The following SNAPC3 variants were observed in gnomAD, a reference collection of about 807,000 sequenced individuals.
The protein encoded by SNAPC3 is snRNA-activating protein complex subunit 3.
Under a neutral mutation model 47.7 loss-of-function variants are expected in SNAPC3, and 56 were observed. The ratio of observed to expected loss-of-function variants is 1.18; its 90% CI spans 0.95 to 1.47. The LOEUF (loss-of-function observed/expected upper bound fraction) is 1.47, where lower values mean the gene tolerates loss of function less well. Among genes scored for constraint, SNAPC3 ranks in the 40% most tolerant of loss-of-function variants. The pLI, the probability that SNAPC3 is intolerant of heterozygous loss-of-function variation, is 0.00. For synonymous variants in SNAPC3, 235 were observed against 189.9 expected (o/e 1.24, Z -1.95); for missense variants, 665 against 511.3 (o/e 1.30, Z -2.90).
intron 7 of SNAPC3, among the ~76,000 whole-genome samples, chr9:15,457,014 T>C (rs1182014768): frequency 6.6e-6 from 1 of 152,234 alleles, no homozygotes; most frequent in Non-Finnish European, 1.5e-5. Context: ...TTCAGAAGAA[T>C]CTGAAGTCTG....
intron 5 of SNAPC3, among the ~76,000 whole-genome samples, chr9:15,450,059 T>C (rs957255452): frequency 6.6e-6 from 1 of 152,174 alleles, no homozygotes; most frequent in African/African-American, 2.4e-5. Flanking sequence ...TTTTAGAACC[T>C]TTATTTTGGA....
Position 15,460,394 on chromosome 9 carries a change from ATTAT to A in SNAPC3, c.*535_*538del, listed in dbSNP as rs1224610556. ...ATAAGACAAAATTAATAGCTTTGGG[ATTAT>A]TTATTTTTTGAGACAAAATCTCGCT... On this transcript the variant is annotated 3_prime_UTR_variant, in exon 9 of 9. Transcript: ENST00000380821. 2 of 152,256 alleles carry A rather than the reference ATTAT, an allele frequency of 1.3e-5. No individual in the cohort carries two copies. Among genetic ancestry groups the A allele is most frequent in the East Asian group, 1.9e-4 (1 of 5,180 alleles). The allele number at this position is 152,256 out of a possible 1,614,324, so 9.4% of individuals were successfully genotyped here. A position where few individuals can be genotyped will look rare whatever the true frequency, so the allele number is the denominator to read the frequency against.
intron 3 of SNAPC3, among the ~76,000 whole-genome samples, chr9:15,436,347 G>A (rs1563843212): frequency 6.6e-6 from 1 of 152,150 alleles, no homozygotes; most frequent in Admixed American, 6.6e-5. Flanking sequence ...TCCACTTTGA[G>A]TTGATTTTTA....
intron 3 of SNAPC3, among the ~76,000 whole-genome samples, chr9:15,435,009 A>T (rs1270247438): frequency 6.6e-6 from 1 of 152,178 alleles, no homozygotes; most frequent in Non-Finnish European, 1.5e-5. Flanking sequence ...CATAGCAATG[A>T]TACCGTATTA....
At chr9:15,454,747 C>A (rs1030349618) in intron 7 of SNAPC3, among the ~76,000 whole-genome samples, 9 of 152,056 alleles carry the variant, frequency 5.9e-5, no homozygotes, top group Admixed American at 5.9e-4. Context: ...ACCATGCTGG[C>A]TAACACAGTG....
chr9:15,435,393 C>T (rs1018943245), intron 3 of SNAPC3, among the ~76,000 whole-genome samples: 10 of 151,968 alleles, frequency 6.6e-5, no homozygotes, highest in South Asian at 2.1e-4. Context: ...ACCAACATGG[C>T]GAAACCCTGT....
At chr9:15,429,862 A>G (rs2031912314) in intron 2 of SNAPC3, among the ~76,000 whole-genome samples, 1 of 152,198 alleles carries the variant, frequency 6.6e-6, no homozygotes, top group African/African-American at 2.4e-5. Context: ...ATCTAAAATA[A>G]AATGATTCCG....
rs1226863032 is a variant in SNAPC3 at position 15,422,949 on chromosome 9, A to G, written c.70A>G (p.Ser24Gly). 3.9e-6 allele frequency: 6 copies of G among 1,534,362 alleles called. No homozygotes were observed. Among genetic ancestry groups the G allele is most frequent in the Non-Finnish European group, 5.2e-6 (6 of 1,145,112 alleles). ...TGGCAGGCAGGACCCAGTCTCCGGC[A>G]GTGGCGGCTGCAACTTTCCAGAGTA... ...VGGRQDPVSG[S>G]GGCNFPEYEL... The change falls in exon 1 of 9, where the codon AGT becomes GGT. Residue 24 changes from serine (S) to glycine (G), a missense_variant. Coordinates refer to ENST00000380821, the MANE Select transcript of SNAPC3 (RefSeq NM_001039697.2).
chr9:15,441,330 T>C (rs1250651201), intron 3 of SNAPC3, among the ~76,000 whole-genome samples: 1 of 151,164 alleles, frequency 6.6e-6, no homozygotes, highest in African/African-American at 2.4e-5. Context: ...TTGTTTTCCG[T>C]AATAGCTGTA....
rs2034518988 is a variant in SNAPC3, at chr9:15,453,137, A to T, written c.912A>T (p.Lys304Asn). 1.9e-6 allele frequency: 3 copies of T among 1,613,250 alleles called. No homozygotes were observed. The highest frequency in any genetic ancestry group is 2.2e-5 in the South Asian group (2 of 91,054). The stretch of plus-strand genomic sequence containing the variant: ...TCACCTTCAATGACTTGTGTATTAA[A>T]CTGGGTTTTCCTTACTTATACTGTC... ...EDFTFNDLCI[K>N]LGFPYLYCHQ... is the part of the protein sequence containing the mutation. The change falls in exon 7 of 9, where the codon AAA becomes AAT. Residue 304 changes from lysine to asparagine, a missense_variant. Transcript: ENST00000380821.
At chr9:15,454,760 A>ATC (rs1266122522) in intron 7 of SNAPC3, among the ~76,000 whole-genome samples, 2 of 152,086 alleles carry the variant, frequency 1.3e-5, no homozygotes, top group Non-Finnish European at 2.9e-5. Context: ...ACACAGTGAA[A>ATC]GCGTCTCTAC....
At chr9:15,450,143 C>T (rs1023779312) in intron 5 of SNAPC3, among the ~76,000 whole-genome samples, 2 of 152,040 alleles carry the variant, frequency 1.3e-5, no homozygotes, top group Non-Finnish European at 2.9e-5. Flanking sequence ...AGTCATATGA[C>T]ATTAAGTACA....
At chr9:15,432,463 C>T (rs555455206) in intron 2 of SNAPC3, among the ~76,000 whole-genome samples, 4 of 151,590 alleles carry the variant, frequency 2.6e-5, no homozygotes, top group Admixed American at 1.3e-4. Context: ...ATTCCGGGGA[C>T]GAGACAAGAA....
At chr9:15,437,702 G>C (rs1265654458) in intron 3 of SNAPC3, among the ~76,000 whole-genome samples, 1 of 143,624 alleles carries the variant, frequency 7.0e-6, no homozygotes, top group Middle Eastern at 3.8e-3. Context: ...AATTACCCTT[G>C]CATTTTGAGG....
rs200368715 is a variant in SNAPC3, at chr9:15,458,107, C to T, written c.1088+40C>T. On this transcript the variant is annotated intron_variant, in intron 8 of 8. Transcript: ENST00000380821. Reference sequence around the variant, plus strand: ...ATTTTTTTTTTTCTCTGAGAAATGGCAGTTTTGACTTTTGGTATTTTGTTT... The same window carrying T: ...ATTTTTTTTTTTCTCTGAGAAATGGTAGTTTTGACTTTTGGTATTTTGTTT... 3.5e-5 allele frequency: 37 copies of T among 1,053,868 alleles called. 1 individual carries two copies. The highest frequency in any genetic ancestry group is 4.2e-4 in the Middle Eastern group (2 of 4,782). 65.3% of individuals were successfully genotyped at this position (1,053,868 alleles called of 1,614,324 possible).
chr9:15,456,289 C>G (rs1178745639), intron 7 of SNAPC3, among the ~76,000 whole-genome samples: 4 of 152,166 alleles, frequency 2.6e-5, no homozygotes, highest in Admixed American at 2.6e-4. Flanking sequence ...GGATTACAGG[C>G]AAGAGCCACT....
chr9:15,465,948 TACAC>T (rs1223930022), downstream of SNAPC3: 1 of 182,230 alleles, frequency 5.5e-6, no homozygotes, highest in African/African-American at 2.4e-5. Context: ...GAGAGGTTGA[TACAC>T]ACATAGACAA....
At chr9:15,430,598 C>G (rs933172194) in intron 2 of SNAPC3, among the ~76,000 whole-genome samples, 1 of 152,258 alleles carries the variant, frequency 6.6e-6, no homozygotes, top group East Asian at 1.9e-4. Flanking sequence ...ACCAAAGGTA[C>G]CCCTCCAACA....
At chr9:15,423,293 T>A in intron 1 of SNAPC3, 100 bp downstream of exon 1, 7 of 1,226,446 alleles carry the variant, frequency 5.7e-6, no homozygotes, top group Non-Finnish European at 7.7e-6. Context: ...GGGCCTGTGG[T>A]TTAGACCTGG....
Sources: allele counts gnomAD v4.1 joint callset (sites outside exome capture counted in the v4.1 genomes callset), GRCh38; gene constraint gnomAD v4.1.1; transcripts MANE v1.5; gene names NCBI Gene and HGNC (gene_info 2026-07-23, HGNC 2026-07-21).